The following ZC3H7A variants were observed in gnomAD, a reference collection of about 807,000 sequenced individuals.
ZC3H7A encodes the protein zinc finger CCCH domain-containing protein 7A.
A neutral mutation model predicts 125.5 loss-of-function variants in ZC3H7A; 44 were observed. The ratio of observed to expected loss-of-function variants is 0.35; its 90% CI spans 0.28 to 0.45. The LOEUF is 0.45. Ranked by LOEUF, ZC3H7A falls within the 20% of genes least tolerant of loss-of-function variation. The probability of loss-of-function intolerance (pLI) is 1.00; values close to 1 mark genes in which losing one functional copy is unlikely to be tolerated. For missense variants in ZC3H7A, 977 were observed against 1,170.7 expected (o/e 0.83, Z 2.41); for synonymous variants, 399 against 391.2 (o/e 1.02, Z -0.23).
chr16:11,782,164 G>A, intron 2 of ZC3H7A, 123 bp downstream of exon 2: 1 of 1,057,756 alleles, frequency 9.5e-7, no homozygotes. Flanking sequence ...AGAATATGGA[G>A]TTTCTAACCC....
At chr16:11,791,499 C>A (rs1325084976) in intron 1 of ZC3H7A, among the ~76,000 whole-genome samples, 1 of 152,216 alleles carries the variant, frequency 6.6e-6, no homozygotes, top group Non-Finnish European at 1.5e-5. Context: ...TTCACTTCAG[C>A]AGGTACCTGC....
chr16:11,782,390 T>A lies in ZC3H7A; in HGVS notation c.-34-2A>T. Reference sequence around the variant, plus strand: ...ACATCCACTTTCTAAATGAGCAATCTGGAAAGAAACAAGGCAAAAAAGCAC... The same window carrying A: ...ACATCCACTTTCTAAATGAGCAATCAGGAAAGAAACAAGGCAAAAAAGCAC... On this transcript the variant is annotated splice_acceptor_variant, in intron 1 of 22. Coordinates refer to ENST00000355758, the MANE Select transcript of ZC3H7A (RefSeq NM_014153.4). LOFTEE classifies it low-confidence loss of function (5UTR_SPLICE). 1 of 1,613,430 alleles carries A rather than the reference T, an allele frequency of 6.2e-7. No homozygotes were observed. The highest frequency in any genetic ancestry group is 8.5e-7 in the Non-Finnish European group (1 of 1,179,578).
At chr16:11,778,851 C>T (rs550678101) in intron 4 of ZC3H7A, among the ~76,000 whole-genome samples, 1 of 152,164 alleles carries the variant, frequency 6.6e-6, no homozygotes, top group South Asian at 2.1e-4. Flanking sequence ...GCAGCTGGGA[C>T]TACATGCACA....
At position 11,750,692 on chromosome 16, in the gene ZC3H7A, C is replaced by G. The variant is rs2052540983; in HGVS notation, c.*625G>C. ...TCTTTCAAAATCATCATTTAAACAG[C>G]AAAAGACCAAGAAATAAAATTTGAG... On this transcript the variant is annotated 3_prime_UTR_variant, in exon 23 of 23. Transcript: ENST00000355758. 6.6e-6 allele frequency: 1 copy of G among 152,522 alleles called. No homozygotes were observed. 9.4% of individuals were successfully genotyped at this position (152,522 alleles called of 1,614,324 possible).
At chr16:11,794,420 C>G (rs1363995243) in intron 1 of ZC3H7A, among the ~76,000 whole-genome samples, 1 of 152,174 alleles carries the variant, frequency 6.6e-6, no homozygotes, top group East Asian at 1.9e-4. Context: ...TTTTAAACTT[C>G]TGGATTAATA....
chr16:11,790,464 A>G (rs1276246645), intron 1 of ZC3H7A, among the ~76,000 whole-genome samples: 2 of 152,062 alleles, frequency 1.3e-5, no homozygotes, highest in African/African-American at 4.8e-5. Context: ...TTCTGATGTT[A>G]TTGGTATTTT....
At chr16:11,784,708 G>C (rs984727987) in intron 1 of ZC3H7A, among the ~76,000 whole-genome samples, 2 of 152,160 alleles carry the variant, frequency 1.3e-5, no homozygotes, top group African/African-American at 4.8e-5. Context: ...TACAAAATTA[G>C]CTGGGCATGG....
At chr16:11,786,075 C>A (rs1454096338) in intron 1 of ZC3H7A, among the ~76,000 whole-genome samples, 1 of 152,076 alleles carries the variant, frequency 6.6e-6, no homozygotes, top group Non-Finnish European at 1.5e-5. Flanking sequence ...TCTATGTGTT[C>A]AAAACTTTTG....
rs1452146832 is a variant in ZC3H7A, at chr16:11,779,337, A to T, written c.135T>A (p.Asn45Lys). The change falls in exon 4 of 23, where the codon AAT becomes AAA. Residue 45 changes from asparagine (N) to lysine (K), a missense_variant. Asn to Lys is a moderately conservative substitution (Grantham distance 94). Around this residue, in one of 3 missense-constraint regions of ZC3H7A, gnomAD observed 199 missense variants for 256.1 expected, o/e 0.78. Coordinates refer to ENST00000355758, the MANE Select transcript of ZC3H7A (RefSeq NM_014153.4). Reference protein sequence around the residue: ...YAVYLRALVRNLFNEGNDVYR... With the variant: ...YAVYLRALVRKLFNEGNDVYR... ...AAACGTCATTTCCTTCATTAAAAAG[A>T]TTTCTCACGAGAGCACGCAAATATA... 2 of 1,613,772 alleles carry T rather than the reference A, an allele frequency of 1.2e-6. No individual in the cohort carries two copies. The highest frequency in any genetic ancestry group is 1.7e-6 in the Non-Finnish European group (2 of 1,179,932).
At chr16:11,764,843 T>C (rs992234528) in intron 15 of ZC3H7A, 36 of 411,930 alleles carry the variant, frequency 8.7e-5, no homozygotes, top group African/African-American at 6.7e-4. Flanking sequence ...ACATCAATAA[T>C]GCTTTTCTGT....
chr16:11,764,149 A>C (rs1450852951), intron 15 of ZC3H7A, among the ~76,000 whole-genome samples: 1 of 152,164 alleles, frequency 6.6e-6, no homozygotes, highest in African/African-American at 2.4e-5. Flanking sequence ...ACAGTGGCTC[A>C]CACCTGTAAT....
chr16:11,776,585 G>A, intron 5 of ZC3H7A, 53 bp from the exon 6 acceptor site: 1 of 1,537,254 alleles, frequency 6.5e-7, no homozygotes, highest in South Asian at 1.2e-5. Flanking sequence ...TAATGGTGAA[G>A]AAGAATAGAC....
At chr16:11,754,873 C>T (rs1308608420) in intron 21 of ZC3H7A, among the ~76,000 whole-genome samples, 1 of 119,826 alleles carries the variant, frequency 8.3e-6, no homozygotes, top group Non-Finnish European at 1.6e-5. Flanking sequence ...GCCTGGGCGA[C>T]AGAGCGAGAC....
chr16:11,778,103 A>G (rs1172594935), intron 4 of ZC3H7A, among the ~76,000 whole-genome samples: 1 of 151,778 alleles, frequency 6.6e-6, no homozygotes, highest in African/African-American at 2.4e-5. Context: ...GTGAAAATCT[A>G]GTGTGAATTC....
intron 1 of ZC3H7A, among the ~76,000 whole-genome samples, chr16:11,789,081 G>T (rs1411968559): frequency 2.0e-5 from 3 of 152,066 alleles, no homozygotes; most frequent in African/African-American, 7.2e-5. Flanking sequence ...CCCATAGTTT[G>T]GTTAACAGTA....
chr16:11,762,050 CAATT>C lies in ZC3H7A; in HGVS notation c.2080-11_2080-8del, dbSNP rs531648764. The C allele has an allele frequency of 6.2e-5, 98 of 1,576,958 alleles. 1 individual carries two copies. In the African/African-American group the frequency reaches 1.2e-3, roughly 20 times the overall value. On this transcript the variant is annotated splice_region_variant and splice_polypyrimidine_tract_variant and intron_variant, in intron 17 of 22. Coordinates refer to ENST00000355758, the MANE Select transcript of ZC3H7A (RefSeq NM_014153.4). ...TTATTTGATTACCAAGTACCTTAAA[CAATT>C]AAAAGATTCGTTTTAATTTTTTTAA...
intron 9 of ZC3H7A, among the ~76,000 whole-genome samples, chr16:11,772,194 C>CAAA (rs370155246): frequency 2.4e-5 from 3 of 122,564 alleles, no homozygotes; most frequent in South Asian, 2.6e-4. Flanking sequence ...GACTCTGTCT[C>CAAA]AAAAAAAAAA....
chr16:11,788,891 C>T (rs903012330), intron 1 of ZC3H7A, among the ~76,000 whole-genome samples: 5 of 152,102 alleles, frequency 3.3e-5, no homozygotes, highest in East Asian at 1.9e-4. Context: ...GGATTACAGG[C>T]GTGAGCCACC....
chr16:11,779,247 A>G lies in ZC3H7A; in HGVS notation c.225T>C (p.Tyr75=). ...QYTEALNIAD[Y]AKSEEILIPK... ...GGATTAAAATTTCTTCAGATTTTGCATAATCAGCTATATTCAAGGCTTCCG... is the reference window on the plus strand; with the variant it reads ...GGATTAAAATTTCTTCAGATTTTGCGTAATCAGCTATATTCAAGGCTTCCG... Residue 75 remains tyrosine (Y), a synonymous_variant, in exon 4 of 23, where the codon TAT becomes TAC. Coordinates refer to ENST00000355758, the MANE Select transcript of ZC3H7A (RefSeq NM_014153.4). 1.2e-6 allele frequency: 2 copies of G among 1,613,556 alleles called. No homozygotes were observed. The highest frequency in any genetic ancestry group is 2.2e-5 in the South Asian group (2 of 90,918).
Sources: allele counts gnomAD v4.1 joint callset (sites outside exome capture counted in the v4.1 genomes callset), GRCh38; gene constraint gnomAD v4.1.1; regional missense constraint gnomAD v4.1.1; transcripts MANE v1.5; gene names NCBI Gene and HGNC (gene_info 2026-07-23, HGNC 2026-07-21).